The following CCDC192 variants were observed in gnomAD, a reference collection of about 807,000 sequenced individuals.
The protein encoded by CCDC192 is coiled-coil domain containing 192, also known as coiled-coil domain-containing protein 192.
intron 6 of CCDC192, among the ~76,000 whole-genome samples, chr5:127,921,176 AAAG>A (rs759427826): frequency 1.0e-4 from 15 of 149,288 alleles, no homozygotes; most frequent in South Asian, 2.1e-4. Context: ...AAAGAAAAGA[AAAG>A]AAGGAAGGAA....
intron 6 of CCDC192, among the ~76,000 whole-genome samples, chr5:127,933,019 A>G (rs1754084060): frequency 6.6e-6 from 1 of 152,208 alleles, no homozygotes; most frequent in Admixed American, 6.5e-5. Context: ...CAGGTATACA[A>G]TTGTGCAGGC....
chr5:127,887,438 A>G (rs1752601957), intron 6 of CCDC192, among the ~76,000 whole-genome samples: 1 of 151,948 alleles, frequency 6.6e-6, no homozygotes, highest in East Asian at 1.9e-4. Context: ...GAAATGTGTC[A>G]TCCTCTAAGT....
In CCDC192 at chr5:127,875,569, T is replaced by C; in HGVS notation, c.443T>C (p.Leu148Pro). Residue 148 changes from leucine (L) to proline (P), a missense_variant, in exon 6 of 7, where the codon CTA (leucine) becomes CCA (proline). Coordinates refer to ENST00000514853, the MANE Select transcript of CCDC192 (RefSeq NM_001317938.2). The stretch of plus-strand genomic sequence containing the variant: ...AAGCATGAAAAGAAAGTGAAAAAAC[T>C]ACAGACTGATTTGGCAACAGCTAAT... The part of the protein sequence containing the change: ...KLKHEKKVKK[L>P]QTDLATANAI... The C allele has an allele frequency of 2.5e-6, 1 of 398,452 alleles. No individual in the cohort carries two copies. Among genetic ancestry groups the C allele is most frequent in the Non-Finnish European group, 4.4e-6 (1 of 225,940 alleles). 24.7% of individuals were successfully genotyped at this position (398,452 alleles called of 1,614,324 possible).
intron 6 of CCDC192, among the ~76,000 whole-genome samples, chr5:127,920,407 C>CTTT (rs11388727): frequency 0.025 from 2,929 of 115,744 alleles, 218 homozygotes; most frequent in African/African-American, 0.092. Flanking sequence ...ACTGAAGAGG[C>CTTT]TTTTTTTTTT....
intron 3 of CCDC192, among the ~76,000 whole-genome samples, chr5:127,764,797 T>C (rs1013807526): frequency 6.6e-6 from 1 of 152,172 alleles, no homozygotes; most frequent in Non-Finnish European, 1.5e-5. Flanking sequence ...CAATGTGTAT[T>C]GGGCCACATT....
intron 5 of CCDC192, among the ~76,000 whole-genome samples, chr5:127,830,165 C>CAAA (rs34425575): frequency 1.3e-5 from 2 of 150,204 alleles, no homozygotes; most frequent in African/African-American, 4.9e-5. Context: ...TTCGCAGTCT[C>CAAA]AAAAAAAAAA....
intron 1 of CCDC192, among the ~76,000 whole-genome samples, chr5:127,704,121 A>G (rs1750828796): frequency 6.6e-6 from 1 of 152,198 alleles, no homozygotes; most frequent in Admixed American, 6.5e-5. Flanking sequence ...AGCAGGAGCT[A>G]CATCCTATAG....
At chr5:127,763,373 G>C (rs1162123434) in intron 3 of CCDC192, among the ~76,000 whole-genome samples, 1 of 151,980 alleles carries the variant, frequency 6.6e-6, no homozygotes, top group Non-Finnish European at 1.5e-5. Context: ...AGTACTACAG[G>C]TGATGACTCC....
At chr5:127,743,407 TC>T (rs1241935245) in intron 2 of CCDC192, among the ~76,000 whole-genome samples, 1 of 152,212 alleles carries the variant, frequency 6.6e-6, no homozygotes, top group Non-Finnish European at 1.5e-5. Flanking sequence ...GGAGTAGCCA[TC>T]TATTTCCTGC....
chr5:127,814,665 T>A (rs573395016), intron 5 of CCDC192, among the ~76,000 whole-genome samples: 26 of 152,236 alleles, frequency 1.7e-4, no homozygotes, highest in Non-Finnish European at 3.1e-4. Flanking sequence ...CAAAACTGTG[T>A]TGCCCGAGGA....
chr5:127,821,484 G>C (rs1207748962), intron 5 of CCDC192, among the ~76,000 whole-genome samples: 1 of 152,140 alleles, frequency 6.6e-6, no homozygotes, highest in Non-Finnish European at 1.5e-5. Flanking sequence ...ACTTTCTAAG[G>C]ATCCCATGAG....
At chr5:127,887,932 T>C (rs950774846) in intron 6 of CCDC192, among the ~76,000 whole-genome samples, 5 of 151,900 alleles carry the variant, frequency 3.3e-5, no homozygotes, top group African/African-American at 1.2e-4. Flanking sequence ...CTTGATCTCT[T>C]GACCTCGTGA....
At chr5:127,743,819 G>A (rs1462767997) in intron 2 of CCDC192, among the ~76,000 whole-genome samples, 3 of 152,214 alleles carry the variant, frequency 2.0e-5, no homozygotes, top group Non-Finnish European at 4.4e-5. Flanking sequence ...GGCCAGGCGC[G>A]GTGGCTCACG....
At chr5:127,819,246 G>A (rs1749175993) in intron 5 of CCDC192, among the ~76,000 whole-genome samples, 1 of 152,090 alleles carries the variant, frequency 6.6e-6, no homozygotes, top group Non-Finnish European at 1.5e-5. Flanking sequence ...CGCTAACAAC[G>A]ACTTTCCCTC....
chr5:127,910,065 A>G (rs182169917), intron 6 of CCDC192, among the ~76,000 whole-genome samples: 38 of 152,388 alleles, frequency 2.5e-4, no homozygotes, highest in African/African-American at 5.8e-4. Flanking sequence ...CCAAGTGCCT[A>G]TAAGAAGATG....
intron 5 of CCDC192, among the ~76,000 whole-genome samples, chr5:127,813,832 AT>A (rs202088606): frequency 0.016 from 2,426 of 152,356 alleles, 24 homozygotes; most frequent in Middle Eastern, 0.068. Context: ...AACTTTTTCC[AT>A]TAAAAACTCA....
intron 6 of CCDC192, among the ~76,000 whole-genome samples, chr5:127,920,700 C>T (rs955194861): frequency 1.8e-4 from 27 of 152,094 alleles, no homozygotes; most frequent in African/African-American, 5.5e-4. Flanking sequence ...CATGAGCCAC[C>T]GCGCCCGGCT....
chr5:127,830,321 T>C (rs245312), intron 5 of CCDC192, among the ~76,000 whole-genome samples: 115,840 of 152,088 alleles, frequency 0.76, 44,401 homozygotes, highest in East Asian at 0.95. Context: ...AATGACTACC[T>C]TGTGTGTTAG....
intron 6 of CCDC192, among the ~76,000 whole-genome samples, chr5:127,934,140 TG>T (rs1361986730): frequency 2.0e-5 from 3 of 152,160 alleles, no homozygotes; most frequent in African/African-American, 7.2e-5. Flanking sequence ...CACTACCCCA[TG>T]TCATTCAGGC....
Sources: allele counts gnomAD v4.1 joint callset (sites outside exome capture counted in the v4.1 genomes callset), GRCh38; gene constraint gnomAD v4.1.1; transcripts MANE v1.5; gene names NCBI Gene and HGNC (gene_info 2026-07-23, HGNC 2026-07-21).